PCDHB4: variants seen among roughly 807,000 people sequenced by gnomAD.
PCDHB4 encodes the protein protocadherin beta 4.
For missense variants in PCDHB4, 1,063 were observed against 1,007.0 expected (o/e 1.06, Z -0.75); for synonymous variants, 482 against 447.3 (o/e 1.08, Z -0.98).
At position 141,123,925 on chromosome 5, in the gene PCDHB4, G is replaced by T; in HGVS notation, c.1927G>T (p.Val643Phe). The part of the protein sequence containing the change: ...DAAKHRLVVL[V>F]KDNGEPPRSA... Reference sequence around the variant, plus strand: ...AGCCAAGCACAGGCTCGTGGTGCTTGTCAAGGACAATGGCGAGCCTCCGCG... The same window carrying T: ...AGCCAAGCACAGGCTCGTGGTGCTTTTCAAGGACAATGGCGAGCCTCCGCG... The change falls in exon 1 of 1, where the codon GTC becomes TTC. Residue 643 changes from valine (V) to phenylalanine (F), a missense_variant. Physicochemically the swap from Val to Phe is conservative, Grantham distance 50 (BLOSUM62 -1). Coordinates refer to ENST00000194152, the MANE Select transcript of PCDHB4 (RefSeq NM_018938.4). 6.2e-7 allele frequency: 1 copy of T among 1,605,662 alleles called. No individual in the cohort carries two copies. The highest frequency in any genetic ancestry group is 8.5e-7 in the Non-Finnish European group (1 of 1,179,682).
Position 141,121,957 on chromosome 5 carries a change from G to T in PCDHB4, c.-42G>T. ...GGAATTGAATGTCTCAAGTCTCGTT[G>T]CGGTTGCTGAGGGGATTGGATATAG... On this transcript the variant is annotated 5_prime_UTR_variant, in exon 1 of 1. Coordinates refer to ENST00000194152, the MANE Select transcript of PCDHB4 (RefSeq NM_018938.4). 1.5e-6 allele frequency: 2 copies of T among 1,360,442 alleles called. No individual in the cohort carries two copies. The highest frequency in any genetic ancestry group is 1.0e-6 in the Non-Finnish European group (1 of 991,974). The allele number at this position is 1,360,442 out of a possible 1,614,324, so 84.3% of individuals were successfully genotyped here.
Position 141,123,441 on chromosome 5 carries a change from C to A in PCDHB4, c.1443C>A (p.Thr481=), listed in dbSNP as rs782065912. 5 of 1,613,144 alleles carry A rather than the reference C, an allele frequency of 3.1e-6. No homozygotes were observed. In the South Asian group the frequency reaches 4.4e-5, roughly 14 times the overall value. ...SVSATDRDSG[T]NAQVTYSLLP... Reference sequence around the variant, plus strand: ...GCGCCACAGACAGAGACTCGGGCACCAACGCCCAGGTCACCTACTCGCTGC... The same window carrying A: ...GCGCCACAGACAGAGACTCGGGCACAAACGCCCAGGTCACCTACTCGCTGC... Residue 481 remains threonine (T), a synonymous_variant, in exon 1 of 1, where the codon ACC becomes ACA. Transcript: ENST00000194152.
rs782375210 is a variant in PCDHB4, at chr5:141,122,337, G to A, written c.339G>A (p.Val113=). Residue 113 remains valine (V), a synonymous_variant, in exon 1 of 1, where the codon GTG becomes GTA. Transcript: ENST00000194152. Reference sequence around the variant, plus strand: ...TCCAAGTGTTCCTGGAAATGCCGGTGCAATTTTTTCAAGGAGAATTATTGA... The same window carrying A: ...TCCAAGTGTTCCTGGAAATGCCGGTACAATTTTTTCAAGGAGAATTATTGA... The part of the protein sequence containing the change: ...LHFQVFLEMP[V]QFFQGELLIQ... The A allele has an allele frequency of 1.2e-6, 2 of 1,614,074 alleles. No individual in the cohort carries two copies. Among genetic ancestry groups the A allele is most frequent in the Non-Finnish European group, 1.7e-6 (2 of 1,180,004 alleles).
chr5:141,123,395 C>T lies in PCDHB4; in HGVS notation c.1397C>T (p.Ala466Val). ...TLFVRENNSPALHIGSVSATD... is the reference protein window; with the variant it reads ...TLFVRENNSPVLHIGSVSATD... The stretch of plus-strand genomic sequence containing the variant: ...TTCGTCCGCGAGAACAACAGCCCCG[C>T]CCTGCACATCGGCAGTGTCAGCGCC... Residue 466 changes from alanine (A) to valine (V), a missense_variant, in exon 1 of 1, where the codon GCC (alanine) becomes GTC (valine). Transcript: ENST00000194152. 1 of 1,613,664 alleles carries T rather than the reference C, an allele frequency of 6.2e-7. No homozygotes were observed. Among genetic ancestry groups the T allele is most frequent in the Non-Finnish European group, 8.5e-7 (1 of 1,180,046 alleles).
rs373621451 is a variant in PCDHB4 at position 141,123,539 on chromosome 5, C to T, written c.1541C>T (p.Ala514Val). 5.6e-6 allele frequency: 9 copies of T among 1,613,216 alleles called. No individual in the cohort carries two copies. The African/African-American group carries it at 9.3e-5, about 17-fold the overall frequency. ...SINADNGHLF[A>V]LRSLDYEALQ... The stretch of plus-strand genomic sequence containing the variant: ...AACGCAGACAACGGCCACCTGTTCG[C>T]CCTCAGGTCGCTGGACTACGAGGCC... The change falls in exon 1 of 1, where the codon GCC becomes GTC. Residue 514 changes from alanine to valine, a missense_variant. Physicochemically the swap from Ala to Val is moderately conservative, Grantham distance 64. Transcript: ENST00000194152.
rs782116170 is a variant in PCDHB4 at position 141,124,413 on chromosome 5, C to T, written c.*27C>T. 6.6e-7 allele frequency: 1 copy of T among 1,520,538 alleles called. No individual in the cohort carries two copies. Among genetic ancestry groups the T allele is most frequent in the Non-Finnish European group, 8.8e-7 (1 of 1,131,222 alleles). 94.2% of individuals were successfully genotyped at this position (1,520,538 alleles called of 1,614,324 possible). On this transcript the variant is annotated 3_prime_UTR_variant, in exon 1 of 1. Transcript: ENST00000194152. Reference sequence around the variant, plus strand: ...TATTGTATTTAGTTCAGTGAACCGCCCGTTAGTTTTGTCAAACTTCCCACT... The same window carrying T: ...TATTGTATTTAGTTCAGTGAACCGCTCGTTAGTTTTGTCAAACTTCCCACT...
At position 141,123,610 on chromosome 5, in the gene PCDHB4, C is replaced by G; in HGVS notation, c.1612C>G (p.Pro538Ala). ...FRVGASDRGS[P>A]ALSSEALVRV... ...CGTGGGCGCCTCAGACCGCGGTTCTCCGGCTTTGAGCAGCGAGGCGCTGGT... is the reference window on the plus strand; with the variant it reads ...CGTGGGCGCCTCAGACCGCGGTTCTGCGGCTTTGAGCAGCGAGGCGCTGGT... The change falls in exon 1 of 1, where the codon CCG becomes GCG. Residue 538 changes from proline to alanine, a missense_variant. Transcript: ENST00000194152. 6.2e-7 allele frequency: 1 copy of G among 1,612,172 alleles called. No homozygotes were observed.
At position 141,125,101 on chromosome 5, in the gene PCDHB4, G is replaced by A. The variant is rs1390829031; in HGVS notation, c.*715G>A. On this transcript the variant is annotated 3_prime_UTR_variant, in exon 1 of 1. Coordinates refer to ENST00000194152, the MANE Select transcript of PCDHB4 (RefSeq NM_018938.4). ...AACTTATTTATAAATAATTTTTAAA[G>A]AGAAAAATCTCATATAATTTGTCAT... 6.6e-6 allele frequency: 1 copy of A among 151,700 alleles called. No individual in the cohort carries two copies. The highest frequency in any genetic ancestry group is 2.4e-5 in the African/African-American group (1 of 41,324). The allele number at this position is 151,700 out of a possible 1,614,324, so 9.4% of individuals were successfully genotyped here.
At position 141,122,052 on chromosome 5, in the gene PCDHB4, G is replaced by T; in HGVS notation, c.54G>T (p.Leu18Phe). 6.2e-7 allele frequency: 1 copy of T among 1,613,584 alleles called. No individual in the cohort carries two copies. The highest frequency in any genetic ancestry group is 8.5e-7 in the Non-Finnish European group (1 of 1,179,822). Reference sequence around the variant, plus strand: ...ACAGGCAAGTGTTGGCCTTTATTTTGATGGTGTTCTTGTCTCAGGTTCGCC... The same window carrying T: ...ACAGGCAAGTGTTGGCCTTTATTTTTATGGTGTTCTTGTCTCAGGTTCGCC... ...HPNRQVLAFI[L>F]MVFLSQVRLE... The change falls in exon 1 of 1, where the codon TTG becomes TTT. Residue 18 changes from leucine to phenylalanine, a missense_variant. Physicochemically the swap from Leu to Phe is conservative, Grantham distance 22. Transcript: ENST00000194152.
In PCDHB4 at chr5:141,123,234, C is replaced by A; in HGVS notation, c.1236C>A (p.Thr412=). 1.9e-6 allele frequency: 3 copies of A among 1,614,128 alleles called. No homozygotes were observed. Among genetic ancestry groups the A allele is most frequent in the Non-Finnish European group, 1.7e-6 (2 of 1,180,032 alleles). ...CAGAGAGACCACTGGACCGAGAGAC[C>A]AGCGCTGAGTACAACATCACCATCG... ...LVTERPLDRE[T]SAEYNITIAV... is the part of the protein sequence containing the mutation. The change falls in exon 1 of 1, where the codon ACC becomes ACA. Residue 412 remains threonine, a synonymous_variant. Coordinates refer to ENST00000194152, the MANE Select transcript of PCDHB4 (RefSeq NM_018938.4).
Position 141,123,065 on chromosome 5 carries a change from C to T in PCDHB4, c.1067C>T (p.Pro356Leu), listed in dbSNP as rs1369039321. The change falls in exon 1 of 1, where the codon CCA (proline) becomes CTA (leucine). Residue 356 changes from proline to leucine, a missense_variant. Coordinates refer to ENST00000194152, the MANE Select transcript of PCDHB4 (RefSeq NM_018938.4). ...ATATCTTCACTCACCAGCTCCATCC[C>T]AGAAAATGCTCCTGAGACGGTAGTC... The part of the protein sequence containing the change: ...LIISSLTSSI[P>L]ENAPETVVSI... 2 of 1,613,480 alleles carry T rather than the reference C, an allele frequency of 1.2e-6. No individual in the cohort carries two copies. Among genetic ancestry groups the T allele is most frequent in the Admixed American group, 3.3e-5 (2 of 59,920 alleles).
chr5:141,123,411 T>A lies in PCDHB4; in HGVS notation c.1413T>A (p.Ser471Arg), dbSNP rs782460897. 4 of 1,603,392 alleles carry A rather than the reference T, an allele frequency of 2.5e-6. No individual in the cohort carries two copies. The highest frequency in any genetic ancestry group is 3.4e-6 in the Non-Finnish European group (4 of 1,176,328). Residue 471 changes from serine (S) to arginine (R), a missense_variant, in exon 1 of 1, where the codon AGT becomes AGA. Ser to Arg is a moderately radical substitution (Grantham distance 110, BLOSUM62 -1). Coordinates refer to ENST00000194152, the MANE Select transcript of PCDHB4 (RefSeq NM_018938.4). ...ENNSPALHIG[S>R]VSATDRDSGT... ...ACAGCCCCGCCCTGCACATCGGCAG[T>A]GTCAGCGCCACAGACAGAGACTCGG...
In PCDHB4 at chr5:141,122,818, G is replaced by A. The variant is rs1554274417; in HGVS notation, c.820G>A (p.Gly274Arg). ...TAGAGATATAGATGCTGGAAACTTC[G>A]GGAGTGTTTCTTATGGCTTATTCCA... ...LARDIDAGNF[G>R]SVSYGLFQAS... Residue 274 changes from glycine (G) to arginine (R), a missense_variant, in exon 1 of 1, where the codon GGG becomes AGG. Transcript: ENST00000194152. The A allele has an allele frequency of 1.2e-6, 2 of 1,613,986 alleles. No individual in the cohort carries two copies. The highest frequency in any genetic ancestry group is 1.1e-5 in the South Asian group (1 of 91,056).
rs1752390631 is a variant in PCDHB4 at position 141,125,228 on chromosome 5, C to G, written c.*842C>G. Reference sequence around the variant, plus strand: ...CCTAAATTTCTCCCCAAAATCAAGACTCTTGAGAGCATCATAGGTCTCCTT... The same window carrying G: ...CCTAAATTTCTCCCCAAAATCAAGAGTCTTGAGAGCATCATAGGTCTCCTT... On this transcript the variant is annotated 3_prime_UTR_variant, in exon 1 of 1. Coordinates refer to ENST00000194152, the MANE Select transcript of PCDHB4 (RefSeq NM_018938.4). 1 of 152,094 alleles carries G rather than the reference C, an allele frequency of 6.6e-6. No homozygotes were observed. The highest frequency in any genetic ancestry group is 1.5e-5 in the Non-Finnish European group (1 of 67,996). The allele number at this position is 152,094 out of a possible 1,614,324, so 9.4% of individuals were successfully genotyped here. A position where few individuals can be genotyped will look rare whatever the true frequency, so the allele number is the denominator to read the frequency against.
chr5:141,122,604 G>A lies in PCDHB4; in HGVS notation c.606G>A (p.Glu202=). 1 of 1,614,212 alleles carries A rather than the reference G, an allele frequency of 6.2e-7. No homozygotes were observed. Among genetic ancestry groups the A allele is most frequent in the Non-Finnish European group, 8.5e-7 (1 of 1,180,042 alleles). Residue 202 remains glutamate, a synonymous_variant, in exon 1 of 1, where the codon GAG becomes GAA. Transcript: ENST00000194152. ...TGCAGGACAAACCACTGGATCGAGA[G>A]GAGCAGCCTGAGTTCAGCTTAACCC... ...DLVQDKPLDR[E]EQPEFSLTLV... is the part of the protein sequence containing the mutation.
rs368081510 is a variant in PCDHB4 at position 141,123,913 on chromosome 5, C to T, written c.1915C>T (p.Leu639Phe). The T allele has an allele frequency of 1.1e-5, 18 of 1,605,854 alleles. No homozygotes were observed. Among genetic ancestry groups the T allele is most frequent in the African/African-American group, 2.7e-5 (2 of 74,870 alleles). ...CGAGCGCGACGCAGCCAAGCACAGG[C>T]TCGTGGTGCTTGTCAAGGACAATGG... ...LSERDAAKHR[L>F]VVLVKDNGEP... The change falls in exon 1 of 1, where the codon CTC becomes TTC. Residue 639 changes from leucine (L) to phenylalanine (F), a missense_variant. Coordinates refer to ENST00000194152, the MANE Select transcript of PCDHB4 (RefSeq NM_018938.4).
rs782138400 is a variant in PCDHB4 at position 141,122,877 on chromosome 5, A to C, written c.879A>C (p.Ile293=). 1 of 1,613,588 alleles carries C rather than the reference A, an allele frequency of 6.2e-7. No individual in the cohort carries two copies. Among genetic ancestry groups the C allele is most frequent in the Non-Finnish European group, 8.5e-7 (1 of 1,179,868 alleles). ...ASDEIKQTFS[I]NEVTGEILLK... ...ATGAAATTAAACAAACTTTCTCAATAAATGAAGTCACGGGAGAAATACTGT... is the reference window on the plus strand; with the variant it reads ...ATGAAATTAAACAAACTTTCTCAATCAATGAAGTCACGGGAGAAATACTGT... The change falls in exon 1 of 1, where the codon ATA becomes ATC. Residue 293 remains isoleucine (I), a synonymous_variant. Coordinates refer to ENST00000194152, the MANE Select transcript of PCDHB4 (RefSeq NM_018938.4).
Position 141,123,531 on chromosome 5 carries a change from C to T in PCDHB4, c.1533C>T (p.His511=), listed in dbSNP as rs1752343992. The T allele has an allele frequency of 6.2e-7, 1 of 1,613,280 alleles. No individual in the cohort carries two copies. The highest frequency in any genetic ancestry group is 8.5e-7 in the Non-Finnish European group (1 of 1,179,952). ...SLVSINADNG[H]LFALRSLDYE... ...TCTCCATCAACGCAGACAACGGCCA[C>T]CTGTTCGCCCTCAGGTCGCTGGACT... The change falls in exon 1 of 1, where the codon CAC becomes CAT. Residue 511 remains histidine (H), a synonymous_variant. Transcript: ENST00000194152.
Position 141,124,309 on chromosome 5 carries a change from C to A in PCDHB4, c.2311C>A (p.Pro771Thr). The change falls in exon 1 of 1, where the codon CCT becomes ACT. Residue 771 changes from proline (P) to threonine (T), a missense_variant. Physicochemically the swap from Pro to Thr is conservative, Grantham distance 38. Coordinates refer to ENST00000194152, the MANE Select transcript of PCDHB4 (RefSeq NM_018938.4). ...GEFKFLKPIF[P>T]NLLVQDTGRE... ...GTTCAAGTTCCTGAAGCCAATATTT[C>A]CTAATCTCTTGGTTCAGGACACCGG... The A allele has an allele frequency of 6.2e-7, 1 of 1,614,172 alleles. No homozygotes were observed.
Sources: gnomAD v4.1 joint callset for allele counts on GRCh38, gnomAD v4.1.1 for gene constraint, MANE v1.5 for transcripts, NCBI Gene and HGNC (gene_info 2026-07-23, HGNC 2026-07-21) for gene names.